NUP210: variants seen among roughly 807,000 people sequenced by gnomAD.
The protein encoded by NUP210 is nucleoporin 210.
In NUP210, 151 loss-of-function variants were observed where a neutral mutation model predicts 196.0. The observed-to-expected ratio is 0.77, with a 90% CI of 0.67 to 0.88. The LOEUF is 0.88. Among genes scored for constraint, NUP210 ranks in the 40% least tolerant of loss-of-function variants. NUP210 has a pLI of 0.00. For synonymous variants in NUP210, 1,070 were observed against 1,052.7 expected (o/e 1.02, Z -0.32); for missense variants, 2,314 against 2,493.7 (o/e 0.93, Z 1.53).
At chr3:13,371,326 G>A (rs1160667543) in intron 13 of NUP210, among the ~76,000 whole-genome samples, 1 of 152,150 alleles carries the variant, frequency 6.6e-6, no homozygotes, top group Non-Finnish European at 1.5e-5. Context: ...TAGGGTGGTT[G>A]TAAAGTCCTA....
chr3:13,320,031 A>G, intron 36 of NUP210, 52 bp from the exon 37 acceptor site: 1 of 1,543,440 alleles, frequency 6.5e-7, no homozygotes, highest in East Asian at 2.3e-5. Context: ...TGGGGGGACC[A>G]CTGAGCGGGG....
chr3:13,396,064 G>A (rs1699640091), intron 3 of NUP210, among the ~76,000 whole-genome samples: 1 of 152,214 alleles, frequency 6.6e-6, no homozygotes, highest in African/African-American at 2.4e-5. Flanking sequence ...TGATGAATGG[G>A]TAAGCGGGGA....
chr3:13,399,746 T>C lies in NUP210; in HGVS notation c.283A>G (p.Ile95Val), dbSNP rs1263696505. The change falls in exon 2 of 40, where the codon ATC becomes GTC. Residue 95 changes from isoleucine to valine, a missense_variant. Coordinates refer to ENST00000254508, the MANE Select transcript of NUP210 (RefSeq NM_024923.4). ...RLTQPARLTSIIFAEDITTGQ... is the reference protein window; with the variant it reads ...RLTQPARLTSVIFAEDITTGQ... ...TTACTGATGTCCTCTGCGAAGATGA[T>C]GCTGGTGAGGCGGGCAGGCTGGGTC... The C allele has an allele frequency of 6.2e-6, 10 of 1,614,168 alleles. No individual in the cohort carries two copies. Among genetic ancestry groups the C allele is most frequent in the South Asian group, 3.3e-5 (3 of 91,084 alleles).
At position 13,339,970 on chromosome 3, in the gene NUP210, C is replaced by A. The variant is rs200757323; in HGVS notation, c.3355G>T (p.Val1119Phe). 1.2e-6 allele frequency: 2 copies of A among 1,614,078 alleles called. No individual in the cohort carries two copies. Among genetic ancestry groups the A allele is most frequent in the Admixed American group, 3.3e-5 (2 of 60,034 alleles). The change falls in exon 25 of 40, where the codon GTT (valine) becomes TTT (phenylalanine). Residue 1119 changes from valine to phenylalanine, a missense_variant. Transcript: ENST00000254508. ...AGCCCAGCAGCGCTCACCAGCGCAA[C>A]GCTCTCATTGCTGATGGAGAAAAGG... ...NILFSISNES[V>F]ALVSAAGLVQ...
At position 13,344,409 on chromosome 3, in the gene NUP210, T is replaced by C. The variant is rs544746557; in HGVS notation, c.2836-1106A>G. On this transcript the variant is annotated intron_variant, in intron 20 of 39. Coordinates refer to ENST00000254508, the MANE Select transcript of NUP210 (RefSeq NM_024923.4). ...AGTCCAGCAGGCTGCCCCACTCCTC[T>C]ATCTGGGCCTGGCTTTGTTGCTTGC... is the stretch of plus-strand genomic sequence containing the variant. Among the ~76,000 whole-genome samples the C allele has an allele frequency of 1.9e-4, 29 of 152,370 alleles. No homozygotes were observed. The South Asian group carries it at 6.0e-3, about 32-fold the overall frequency.
In NUP210 at chr3:13,351,907, G is replaced by T. The variant is rs1201564416; in HGVS notation, c.2807C>A (p.Ala936Asp). 1.2e-6 allele frequency: 2 copies of T among 1,613,696 alleles called. No individual in the cohort carries two copies. Among genetic ancestry groups the T allele is most frequent in the Non-Finnish European group, 1.7e-6 (2 of 1,179,766 alleles). ...NTSTADVVKV[A>D]YQEARGVAMV... ...GGCGACACCCCTGGCCTCCTGGTAG[G>T]CCACCTTGACAACATCTGCGGTGCT... Residue 936 changes from alanine to aspartate, a missense_variant, in exon 20 of 40, where the codon GCC becomes GAC. Coordinates refer to ENST00000254508, the MANE Select transcript of NUP210 (RefSeq NM_024923.4).
intron 28 of NUP210, 63 bp downstream of exon 28, chr3:13,335,391 G>T: frequency 6.4e-7 from 1 of 1,568,302 alleles, no homozygotes; most frequent in Non-Finnish European, 8.7e-7. Flanking sequence ...TGGCCCCGAA[G>T]GAAGATTGGG....
rs1347067898 is a variant in NUP210 at position 13,343,287 on chromosome 3, G to A, written c.2852C>T (p.Pro951Leu). 9.9e-6 allele frequency: 16 copies of A among 1,613,458 alleles called. No homozygotes were observed. Among genetic ancestry groups the A allele is most frequent in the South Asian group, 4.4e-5 (4 of 91,046 alleles). Residue 951 changes from proline to leucine, a missense_variant, in exon 21 of 40, where the codon CCG becomes CTG. By Grantham distance (98) the Pro-to-Leu change is moderately conservative. Transcript: ENST00000254508. ...ATGGATCATGATGGTGGATGAGCCCGGGAGCAAAGGGTGCACCTGCAAGGT... is the reference window on the plus strand; with the variant it reads ...ATGGATCATGATGGTGGATGAGCCCAGGAGCAAAGGGTGCACCTGCAAGGT... ...RGVAMVHPLLPGSSTIMIHDL... is the reference protein window; with the variant it reads ...RGVAMVHPLLLGSSTIMIHDL...
chr3:13,383,110 C>T (rs976217972), intron 6 of NUP210, among the ~76,000 whole-genome samples: 1 of 152,136 alleles, frequency 6.6e-6, no homozygotes, highest in Non-Finnish European at 1.5e-5. Context: ...TGATACTGCA[C>T]TCCCAACATG....
intron 20 of NUP210, among the ~76,000 whole-genome samples, chr3:13,345,694 C>T (rs186628043): frequency 1.1e-3 from 162 of 152,322 alleles, no homozygotes; most frequent in Non-Finnish European, 1.2e-3. Flanking sequence ...ACTTACACTA[C>T]AAAACAATAG....
rs984092066 is a variant in NUP210, at chr3:13,371,843, G to C, written c.1777C>G (p.Pro593Ala). 2 of 1,606,308 alleles carry C rather than the reference G, an allele frequency of 1.2e-6. No homozygotes were observed. Among genetic ancestry groups the C allele is most frequent in the Non-Finnish European group, 1.7e-6 (2 of 1,177,014 alleles). ...AGCAGCGCTGGTTTACCTGGGAGTGGCTGGAACACACCCTGGTTCTCCACC... is the reference window on the plus strand; with the variant it reads ...AGCAGCGCTGGTTTACCTGGGAGTGCCTGGAACACACCCTGGTTCTCCACC... ...VEVENQGVFQ[P>A]LPGRLPPGSE... Residue 593 changes from proline to alanine, a missense_variant, in exon 13 of 40, where the codon CCA becomes GCA. Pro to Ala is a conservative substitution (Grantham distance 27, BLOSUM62 -1). Transcript: ENST00000254508.
Position 13,395,315 on chromosome 3 carries a change from G to A in NUP210, c.436+2042C>T, listed in dbSNP as rs573582269. On this transcript the variant is annotated intron_variant, in intron 3 of 39. Coordinates refer to ENST00000254508, the MANE Select transcript of NUP210 (RefSeq NM_024923.4). The stretch of plus-strand genomic sequence containing the variant: ...AGCAATAGCAAGTGCTGGCCAGGAC[G>A]TGGAGATCATGGCACCTTCACACAC... Among the ~76,000 whole-genome samples the A allele has an allele frequency of 1.1e-4, 16 of 152,314 alleles. No homozygotes were observed. In the East Asian group the frequency reaches 2.7e-3, roughly 26 times the overall value.
Position 13,386,363 on chromosome 3 carries a change from G to A in NUP210, c.729C>T (p.Ile243=). Residue 243 remains isoleucine (I), a synonymous_variant, in exon 6 of 40, where the codon ATC becomes ATT. Transcript: ENST00000254508. ...AGACGTCATAGGCCGGGTTCAGAAG[G>A]ATGTTTTCCAAAATCAGCAGCCTGA... ...AEVRLLILEN[I]LLNPAYDVYL... 1.2e-6 allele frequency: 2 copies of A among 1,614,176 alleles called. No homozygotes were observed. Among genetic ancestry groups the A allele is most frequent in the Non-Finnish European group, 1.7e-6 (2 of 1,180,028 alleles).
At position 13,416,838 on chromosome 3, in the gene NUP210, A is replaced by C. The variant is rs184838734; in HGVS notation, c.167+3222T>G. Among the ~76,000 whole-genome samples, 477 of 152,350 alleles carry C rather than the reference A, an allele frequency of 3.1e-3. 4 individuals carry two copies. The highest frequency in any genetic ancestry group is 0.011 in the African/African-American group (463 of 41,588). On this transcript the variant is annotated intron_variant, in intron 1 of 39. Transcript: ENST00000254508. ...AAATAACCAGGTTCAAGGCAATGTAAGAAAGGAGCTAGGAGAGGAAACATA... is the reference window on the plus strand; with the variant it reads ...AAATAACCAGGTTCAAGGCAATGTACGAAAGGAGCTAGGAGAGGAAACATA...
At position 13,420,164 on chromosome 3, in the gene NUP210, G is replaced by A; in HGVS notation, c.63C>T (p.Pro21=). The change falls in exon 1 of 40, where the codon CCC becomes CCT. Residue 21 remains proline, a synonymous_variant. Transcript: ENST00000254508. The surrounding 1 kb of genome is among the most constrained non-coding windows in gnomAD (Gnocchi z 4.8). ...TGTTGAGCTTGGCCGCAGCGGCGGAGGGGCCCGCCGCCAACAGCACCGACA... is the reference window on the plus strand; with the variant it reads ...TGTTGAGCTTGGCCGCAGCGGCGGAAGGGCCCGCCGCCAACAGCACCGACA... ...LTLSVLLAAG[P]SAAAAKLNIP... 1 of 1,282,074 alleles carries A rather than the reference G, an allele frequency of 7.8e-7. No homozygotes were observed. The highest frequency in any genetic ancestry group is 1.0e-6 in the Non-Finnish European group (1 of 997,056). The allele number at this position is 1,282,074 out of a possible 1,614,324, so 79.4% of individuals were successfully genotyped here. A position where few individuals can be genotyped will look rare whatever the true frequency, so the allele number is the denominator to read the frequency against.
At chr3:13,317,809 C>T in intron 39 of NUP210, 28 bp from the exon 40 acceptor site, 1 of 1,504,624 alleles carries the variant, frequency 6.6e-7, no homozygotes, top group Non-Finnish European at 9.1e-7. Flanking sequence ...ACGATGTTAG[C>T]AGCAGAGCCA....
At chr3:13,403,078 A>C (rs1209019744) in intron 1 of NUP210, among the ~76,000 whole-genome samples, 1 of 152,216 alleles carries the variant, frequency 6.6e-6, no homozygotes, top group African/African-American at 2.4e-5. Flanking sequence ...ATCCCTATTA[A>C]AAAGTCATAT....
chr3:13,318,604 G>A (rs1228725752), intron 39 of NUP210, among the ~76,000 whole-genome samples: 1 of 152,178 alleles, frequency 6.6e-6, no homozygotes, highest in Non-Finnish European at 1.5e-5. Context: ...CACACAGTGA[G>A]GTGCTCCCTG....
chr3:13,324,172 G>C (rs1278650451), intron 33 of NUP210, among the ~76,000 whole-genome samples: 1 of 151,938 alleles, frequency 6.6e-6, no homozygotes, highest in African/African-American at 2.4e-5. Context: ...CCACCTCCAG[G>C]GACTGACAGA....
Sources: gnomAD v4.1 joint callset for allele counts (sites outside exome capture counted in the v4.1 genomes callset) on GRCh38, gnomAD v4.1.1 for gene constraint, Gnocchi (gnomAD v3.1) non-coding constraint, MANE v1.5 for transcripts, NCBI Gene and HGNC (gene_info 2026-07-23, HGNC 2026-07-21) for gene names.